The following TGFB2 variants were observed in gnomAD, a reference collection of about 807,000 sequenced individuals.
TGFB2 encodes the protein transforming growth factor beta 2.
TGFB2 carries 13 observed loss-of-function variants against 42.7 expected under a neutral mutation model. That is an observed-to-expected ratio of 0.30 (90% CI 0.20 to 0.48). TGFB2 has a LOEUF of 0.48. Ranked by LOEUF, TGFB2 falls within the 20% of genes least tolerant of loss-of-function variation. The pLI, the probability that TGFB2 is intolerant of heterozygous loss-of-function variation, is 0.99. For missense variants in TGFB2, 390 were observed against 517.5 expected, an observed-to-expected ratio of 0.75 and a Z score of 2.39; for synonymous variants, 193 against 193.6, an observed-to-expected ratio of 1.00 and a Z score of 0.03.
chr1:218,435,856 T>C, intron 4 of TGFB2, 114 bp from the exon 5 acceptor site: 1 of 1,052,308 alleles, frequency 9.5e-7, no homozygotes, highest in South Asian at 1.6e-5. Flanking sequence ...CAGCTGATGC[T>C]GCTTTGGTGG....
At chr1:218,351,659 C>T (rs1294896374) in intron 1 of TGFB2, among the ~76,000 whole-genome samples, 1 of 152,128 alleles carries the variant, frequency 6.6e-6, no homozygotes, top group African/African-American at 2.4e-5. Context: ...GAAAGAGGGG[C>T]TTTGCAGAGG....
At chr1:218,379,286 C>T (rs933670989) in intron 1 of TGFB2, among the ~76,000 whole-genome samples, 2 of 151,736 alleles carry the variant, frequency 1.3e-5, no homozygotes, top group African/African-American at 4.8e-5. Context: ...GCGCCCGCCA[C>T]CACACCTGGC....
chr1:218,425,306 C>T (rs1022040528), intron 2 of TGFB2, among the ~76,000 whole-genome samples: 9 of 152,092 alleles, frequency 5.9e-5, no homozygotes, highest in Non-Finnish European at 1.2e-4. Context: ...CTCCTGGGTT[C>T]ACGCCATTCT....
chr1:218,373,174 G>T (rs560410497), intron 1 of TGFB2, among the ~76,000 whole-genome samples: 2 of 151,984 alleles, frequency 1.3e-5, no homozygotes, highest in African/African-American at 4.8e-5. Flanking sequence ...GCAAAGCTCC[G>T]TCTCAAAAAA....
intron 1 of TGFB2, among the ~76,000 whole-genome samples, chr1:218,381,501 G>T (rs188629195): frequency 6.6e-6 from 1 of 151,982 alleles, no homozygotes; most frequent in Non-Finnish European, 1.5e-5. Context: ...TGATCCACCC[G>T]CCTCGGCCTC....
At chr1:218,400,973 G>T (rs1658696892) in intron 1 of TGFB2, among the ~76,000 whole-genome samples, 1 of 152,150 alleles carries the variant, frequency 6.6e-6, no homozygotes, top group Non-Finnish European at 1.5e-5. Flanking sequence ...AGCCCTCTGT[G>T]CATGCTCCAT....
chr1:218,418,688 C>T (rs1659357245), intron 2 of TGFB2, among the ~76,000 whole-genome samples: 2 of 152,096 alleles, frequency 1.3e-5, no homozygotes, highest in South Asian at 4.1e-4. Context: ...TGGGAGGGAC[C>T]TAGTGGGAGG....
rs1409044564 is a variant in TGFB2, at chr1:218,441,970, G to C, written c.*608G>C. The stretch of plus-strand genomic sequence containing the variant: ...TGAACTCAAACGAGCCAGAAAAAAA[G>C]AGGTCATATTAATGGGATGAAAACC... On this transcript the variant is annotated 3_prime_UTR_variant, in exon 7 of 7. Coordinates refer to ENST00000366930, the MANE Select transcript of TGFB2 (RefSeq NM_003238.6). 1 of 152,154 alleles carries C rather than the reference G, an allele frequency of 6.6e-6. No homozygotes were observed. Among genetic ancestry groups the C allele is most frequent in the African/African-American group, 2.4e-5 (1 of 41,420 alleles). 9.4% of individuals were successfully genotyped at this position (152,154 alleles called of 1,614,324 possible).
intron 2 of TGFB2, among the ~76,000 whole-genome samples, chr1:218,424,006 G>A (rs1401954518): frequency 6.6e-6 from 1 of 152,206 alleles, no homozygotes; most frequent in Admixed American, 6.5e-5. Flanking sequence ...CAGCCCTATG[G>A]CTTCTTCAAA....
intron 1 of TGFB2, among the ~76,000 whole-genome samples, chr1:218,381,161 C>T (rs1657945636): frequency 6.6e-6 from 1 of 152,158 alleles, no homozygotes; most frequent in East Asian, 1.9e-4. Flanking sequence ...TTCGCAACTG[C>T]CCTGAAAGTT....
chr1:218,434,007 C>T, intron 2 of TGFB2, 75 bp from the exon 3 acceptor site: 1 of 1,579,022 alleles, frequency 6.3e-7, no homozygotes, highest in Non-Finnish European at 8.7e-7. Flanking sequence ...AATTAGAACA[C>T]TGTTAATAGT....
intron 1 of TGFB2, among the ~76,000 whole-genome samples, chr1:218,393,182 C>A (rs371930130): frequency 1.3e-5 from 2 of 152,106 alleles, no homozygotes; most frequent in Non-Finnish European, 2.9e-5. Context: ...AAAGTGCATT[C>A]GTTTCTGGAA....
Position 218,346,423 on chromosome 1 carries a change from A to C in TGFB2, c.-279A>C. On this transcript the variant is annotated 5_prime_UTR_variant, in exon 1 of 7. Coordinates refer to ENST00000366930, the MANE Select transcript of TGFB2 (RefSeq NM_003238.6). This position sits in a 1 kb window ranked among gnomAD's most constrained non-coding sequence, Gnocchi z 4.9. The stretch of plus-strand genomic sequence containing the variant: ...TTTTTTTCCCCATCTCATTGCTCCA[A>C]GAATTTTTTTCTTCTTACTCGCCAA... 1.1e-5 allele frequency: 4 copies of C among 355,586 alleles called. No homozygotes were observed. The highest frequency in any genetic ancestry group is 2.0e-5 in the Non-Finnish European group (4 of 200,898). 22.0% of individuals were successfully genotyped at this position (355,586 alleles called of 1,614,324 possible).
At chr1:218,357,810 A>G (rs1657089752) in intron 1 of TGFB2, among the ~76,000 whole-genome samples, 2 of 152,190 alleles carry the variant, frequency 1.3e-5, no homozygotes. Context: ...TATGTCGGTA[A>G]TTATGAAACA....
rs1475824823 is a variant in TGFB2, at chr1:218,443,342, T to G, written c.*1980T>G. 6.6e-6 allele frequency: 1 copy of G among 152,198 alleles called. No homozygotes were observed. Among genetic ancestry groups the G allele is most frequent in the Non-Finnish European group, 1.5e-5 (1 of 68,034 alleles). 9.4% of individuals were successfully genotyped at this position (152,198 alleles called of 1,614,324 possible). A position where few individuals can be genotyped will look rare whatever the true frequency, so the allele number is the denominator to read the frequency against. ...AGGCAAAGCAATGGAATATTTGCAG[T>G]TTCACCTAAAGAGCAGCATAAGGAG... On this transcript the variant is annotated 3_prime_UTR_variant, in exon 7 of 7. Transcript: ENST00000366930.
chr1:218,440,404 G>A (rs189657933), intron 6 of TGFB2, among the ~76,000 whole-genome samples: 2 of 150,838 alleles, frequency 1.3e-5, no homozygotes, highest in Admixed American at 6.6e-5. Context: ...GACACTTAAC[G>A]TAGAAAGATT....
At chr1:218,415,115 G>T (rs1291532066) in intron 2 of TGFB2, among the ~76,000 whole-genome samples, 4 of 152,122 alleles carry the variant, frequency 2.6e-5, no homozygotes, top group Non-Finnish European at 5.9e-5. Flanking sequence ...CACCTACTTG[G>T]CAAAGATTTT....
intron 1 of TGFB2, among the ~76,000 whole-genome samples, chr1:218,380,558 T>C (rs1482729326): frequency 6.6e-6 from 1 of 152,128 alleles, no homozygotes; most frequent in Non-Finnish European, 1.5e-5. Flanking sequence ...AGCAGCCAAA[T>C]GTAGTTTGGC....
chr1:218,387,769 C>A (rs978434587), intron 1 of TGFB2, among the ~76,000 whole-genome samples: 1 of 152,174 alleles, frequency 6.6e-6, no homozygotes, highest in East Asian at 1.9e-4. Flanking sequence ...GTTTCTTCTG[C>A]CCAAGGCAGA....
Sources: allele counts gnomAD v4.1 joint callset (sites outside exome capture counted in the v4.1 genomes callset), GRCh38; gene constraint gnomAD v4.1.1; non-coding constraint Gnocchi (gnomAD v3.1); transcripts MANE v1.5; gene names NCBI Gene and HGNC (gene_info 2026-07-23, HGNC 2026-07-21).